The following DLG2 variants were observed in gnomAD, a reference collection of about 807,000 sequenced individuals.
DLG2 encodes discs large MAGUK scaffold protein 2.
DLG2 carries 45 observed loss-of-function variants against 132.5 expected under a neutral mutation model. The observed-to-expected ratio is 0.34, with a 90% confidence interval of 0.27 to 0.44. The LOEUF is 0.44. Among genes scored for constraint, DLG2 ranks in the 20% least tolerant of loss-of-function variants. The pLI, the probability that DLG2 is intolerant of heterozygous loss-of-function variation, is 1.00. For synonymous variants in DLG2, 424 were observed against 419.6 expected (o/e 1.01, Z -0.13); for missense variants, 1,045 against 1,196.9 (o/e 0.87, Z 1.87).
At chr11:84,245,583 C>A (rs2097292407) in intron 8 of DLG2, among the ~76,000 whole-genome samples, 1 of 152,120 alleles carries the variant, frequency 6.6e-6, no homozygotes, top group East Asian at 1.9e-4. Flanking sequence ...CCTCTAGAAA[C>A]AAAATTTCAG....
chr11:84,502,804 T>C (rs928613187), intron 7 of DLG2, among the ~76,000 whole-genome samples: 2 of 151,936 alleles, frequency 1.3e-5, no homozygotes, highest in Admixed American at 1.3e-4. Context: ...CTTTTTAAAA[T>C]GGAAGGCATA....
At chr11:85,305,551 C>T (rs1421514104) in intron 3 of DLG2, among the ~76,000 whole-genome samples, 8 of 152,062 alleles carry the variant, frequency 5.3e-5, no homozygotes, top group Non-Finnish European at 7.4e-5. Context: ...CTCACTCTGT[C>T]GCACAGGCTG....
chr11:83,748,824 A>G (rs73511036), intron 18 of DLG2, among the ~76,000 whole-genome samples: 2,118 of 152,324 alleles, frequency 0.014, 58 homozygotes, highest in African/African-American at 0.049. Flanking sequence ...TGAAATCTCT[A>G]CTACTTTGTT....
chr11:85,143,486 CT>C (rs1566929092), intron 5 of DLG2, among the ~76,000 whole-genome samples: 1 of 151,388 alleles, frequency 6.6e-6, no homozygotes, highest in Non-Finnish European at 1.5e-5. Context: ...GCTTGTTTTG[CT>C]TTTGCTTTTC....
chr11:83,834,867 G>A (rs2055672709), intron 16 of DLG2, among the ~76,000 whole-genome samples: 1 of 152,140 alleles, frequency 6.6e-6, no homozygotes, highest in African/African-American at 2.4e-5. Flanking sequence ...TGACCAAGTT[G>A]TCATTTGCAT....
chr11:84,153,725 C>G (rs2095361010), intron 9 of DLG2, among the ~76,000 whole-genome samples: 1 of 152,140 alleles, frequency 6.6e-6, no homozygotes, highest in Non-Finnish European at 1.5e-5. Flanking sequence ...ATGGCTCTGT[C>G]ATCTTTCAAC....
At chr11:83,593,492 G>T (rs372466266) in intron 19 of DLG2, among the ~76,000 whole-genome samples, 2 of 151,540 alleles carry the variant, frequency 1.3e-5, no homozygotes, top group Non-Finnish European at 2.9e-5. Flanking sequence ...TGGGGACTGT[G>T]GTGGGGTTGG....
chr11:83,493,078 G>A (rs948229927), intron 21 of DLG2, among the ~76,000 whole-genome samples: 1 of 151,998 alleles, frequency 6.6e-6, no homozygotes, highest in Admixed American at 6.6e-5. Context: ...TGCCTTCTTT[G>A]CCTCACTGTC....
chr11:83,482,160 T>TA (rs1285886262), intron 22 of DLG2, among the ~76,000 whole-genome samples: 1 of 152,100 alleles, frequency 6.6e-6, no homozygotes, highest in African/African-American at 2.4e-5. Context: ...ATCAGATTTT[T>TA]AAAAATATAA....
chr11:84,325,933 T>C (rs2098428661), intron 7 of DLG2, among the ~76,000 whole-genome samples: 1 of 152,146 alleles, frequency 6.6e-6, no homozygotes. Flanking sequence ...TTATTGTTTA[T>C]AGGTCTATAT....
intron 6 of DLG2, among the ~76,000 whole-genome samples, chr11:85,043,371 G>C (rs2062036628): frequency 6.6e-6 from 1 of 151,652 alleles, no homozygotes; most frequent in Non-Finnish European, 1.5e-5. Context: ...CACAGAGTAG[G>C]TATTTTATAA....
At chr11:85,271,378 C>A (rs376042607) in intron 4 of DLG2, among the ~76,000 whole-genome samples, 9 of 152,362 alleles carry the variant, frequency 5.9e-5, no homozygotes, top group African/African-American at 2.2e-4. Context: ...GGCACTCATG[C>A]AGAACCTCTG....
intron 2 of DLG2, among the ~76,000 whole-genome samples, chr11:85,622,664 T>C (rs1214564284): frequency 6.6e-6 from 1 of 151,206 alleles, no homozygotes; most frequent in Non-Finnish European, 1.5e-5. Flanking sequence ...TTATGAAGTA[T>C]ACAGTCAACC....
intron 21 of DLG2, among the ~76,000 whole-genome samples, chr11:83,517,835 G>C (rs183984389): frequency 3.3e-5 from 5 of 152,196 alleles, no homozygotes; most frequent in African/African-American, 1.2e-4. Flanking sequence ...GCAGAACAGC[G>C]GATATTGGTG....
At chr11:84,246,572 A>G (rs1433792536) in intron 8 of DLG2, among the ~76,000 whole-genome samples, 1 of 152,242 alleles carries the variant, frequency 6.6e-6, no homozygotes, top group African/African-American at 2.4e-5. Context: ...ACAGCATTGT[A>G]TGATGAAGCT....
chr11:84,897,141 CATATAT>C (rs5793146), intron 6 of DLG2, among the ~76,000 whole-genome samples: 1,666 of 149,786 alleles, frequency 0.011, 17 homozygotes, highest in South Asian at 0.026. Context: ...GTACTAGTTA[CATATAT>C]ATATATATAT....
At chr11:83,533,675 T>A (rs17145358) in intron 20 of DLG2, among the ~76,000 whole-genome samples, 4 of 152,108 alleles carry the variant, frequency 2.6e-5, no homozygotes, top group African/African-American at 9.7e-5. Flanking sequence ...CCTGAAGATA[T>A]GAGTGAGCTA....
intron 11 of DLG2, among the ~76,000 whole-genome samples, chr11:83,991,057 T>TA (rs985459397): frequency 1.3e-5 from 2 of 152,200 alleles, no homozygotes; most frequent in African/African-American, 2.4e-5. Flanking sequence ...TCTTCCTTTT[T>TA]AGAAAGAAAA....
At chr11:83,885,856 T>A (rs1415542804) in intron 15 of DLG2, among the ~76,000 whole-genome samples, 1 of 152,100 alleles carries the variant, frequency 6.6e-6, no homozygotes, top group Non-Finnish European at 1.5e-5. Flanking sequence ...CTAAGCTTCA[T>A]AAGTGAAGGA....
Sources: gnomAD v4.1 joint callset for allele counts (sites outside exome capture counted in the v4.1 genomes callset) on GRCh38, gnomAD v4.1.1 for gene constraint, MANE v1.5 for transcripts, NCBI Gene and HGNC (gene_info 2026-07-23, HGNC 2026-07-21) for gene names.